The following PDCD6IP variants were observed in gnomAD, a reference collection of about 807,000 sequenced individuals.
The protein encoded by PDCD6IP is programmed cell death 6 interacting protein, also known as programmed cell death 6-interacting protein.
A neutral mutation model predicts 103.7 loss-of-function variants in PDCD6IP; 43 were observed. That is an observed-to-expected ratio of 0.41 (90% CI 0.32 to 0.53). The LOEUF (loss-of-function observed/expected upper bound fraction) is 0.53. PDCD6IP is among the 20% of genes least tolerant of loss of function. The pLI is 0.16. For synonymous variants in PDCD6IP, 354 were observed against 378.7 expected, an observed-to-expected ratio of 0.93 and a Z score of 0.76; for missense variants, 871 against 1,036.7, an observed-to-expected ratio of 0.84 and a Z score of 2.20.
intron 1 of PDCD6IP, among the ~76,000 whole-genome samples, chr3:33,803,440 G>C (rs1696520018): frequency 6.6e-6 from 1 of 152,026 alleles, no homozygotes; most frequent in Non-Finnish European, 1.5e-5. Flanking sequence ...CTTTTTCTGT[G>C]ATTGCTTGTT....
chr3:33,821,840 A>G (rs1453825564), intron 3 of PDCD6IP, 115 bp from the exon 4 acceptor site: 9 of 963,012 alleles, frequency 9.3e-6, no homozygotes, highest in African/African-American at 1.6e-5. Flanking sequence ...CAGGTCTGGA[A>G]ACTTGTTTTT....
intron 1 of PDCD6IP, among the ~76,000 whole-genome samples, chr3:33,800,014 G>A (rs1416217082): frequency 2.6e-5 from 4 of 151,338 alleles, no homozygotes; most frequent in African/African-American, 9.7e-5. Flanking sequence ...CAGCTACTCG[G>A]GAGGCTGAGG....
At chr3:33,856,849 C>T (rs1697840286) in intron 15 of PDCD6IP, among the ~76,000 whole-genome samples, 1 of 152,002 alleles carries the variant, frequency 6.6e-6, no homozygotes, top group Admixed American at 6.5e-5. Context: ...GATTTTATAT[C>T]ATATAGTAAA....
intron 1 of PDCD6IP, among the ~76,000 whole-genome samples, chr3:33,807,092 C>A (rs545484383): frequency 3.1e-4 from 47 of 152,260 alleles, no homozygotes; most frequent in Non-Finnish European, 5.1e-4. Flanking sequence ...GCCCTGTTCC[C>A]CCCATACAGC....
intron 12 of PDCD6IP, among the ~76,000 whole-genome samples, chr3:33,848,805 A>G (rs1396102703): frequency 6.6e-6 from 1 of 152,220 alleles, no homozygotes; most frequent in Non-Finnish European, 1.5e-5. Context: ...TTGTGGGCCA[A>G]ATCCAGCCTG....
intron 15 of PDCD6IP, among the ~76,000 whole-genome samples, chr3:33,859,187 A>G (rs9849786): frequency 0.29 from 44,508 of 152,068 alleles, 6,752 homozygotes; most frequent in East Asian, 0.41. Context: ...CTGCCCAGCC[A>G]TTTAGAAAAT....
rs368310390 is a variant in PDCD6IP, at chr3:33,844,089, G to A, written c.1360-23G>A. On this transcript the variant is annotated intron_variant, in intron 10 of 17. Transcript: ENST00000307296. ...TTTATACCAGAAATGACATTTCAGG[G>A]TTCTTTTTGCTTCCTTTTAAAGTCA... 7.2e-6 allele frequency: 10 copies of A among 1,396,954 alleles called. No homozygotes were observed. In the African/African-American group the frequency reaches 1.3e-4, roughly 18 times the overall value. The allele number at this position is 1,396,954 out of a possible 1,614,324, so 86.5% of individuals were successfully genotyped here. A position where few individuals can be genotyped will look rare whatever the true frequency, so the allele number is the denominator to read the frequency against.
At position 33,842,056 on chromosome 3, in the gene PDCD6IP, T is replaced by C. The variant is rs1443223155; in HGVS notation, c.1341T>C (p.Asn447=). The C allele has an allele frequency of 1.2e-6, 2 of 1,611,776 alleles. No homozygotes were observed. The highest frequency in any genetic ancestry group is 1.7e-6 in the Non-Finnish European group (2 of 1,178,618). ...IKELPELLQR[N]REILDESLRL... The stretch of plus-strand genomic sequence containing the variant: ...AACTGCCTGAATTACTGCAACGAAA[T>C]AGAGAAATCCTAGATGAGGTATGTT... Residue 447 remains asparagine, a synonymous_variant, in exon 10 of 18, where the codon AAT becomes AAC. Coordinates refer to ENST00000307296, the MANE Select transcript of PDCD6IP (RefSeq NM_013374.6).
Position 33,867,284 on chromosome 3 carries a change from A to T in PDCD6IP, c.*759A>T, listed in dbSNP as rs1698086793. The T allele has an allele frequency of 6.6e-6, 1 of 152,242 alleles. No individual in the cohort carries two copies. Among genetic ancestry groups the T allele is most frequent in the African/African-American group, 2.4e-5 (1 of 41,468 alleles). The allele number at this position is 152,242 out of a possible 1,614,324, so 9.4% of individuals were successfully genotyped here. ...GCTACCAAAGATTCTTCAAATAAAC[A>T]TACAAATAAATGTGTATATTTAATG... On this transcript the variant is annotated 3_prime_UTR_variant, in exon 18 of 18. Transcript: ENST00000307296.
chr3:33,798,732 G>A lies in PDCD6IP; in HGVS notation c.4G>A (p.Ala2Thr), dbSNP rs993779340. 1 of 1,558,182 alleles carries A rather than the reference G, an allele frequency of 6.4e-7. No individual in the cohort carries two copies. Among genetic ancestry groups the A allele is most frequent in the East Asian group, 2.4e-5 (1 of 41,506 alleles). Residue 2 changes from alanine (A) to threonine (T), a missense_variant, in exon 1 of 18, where the codon GCG becomes ACG. Ala to Thr is a moderately conservative substitution (Grantham distance 58). This residue lies in a region of PDCD6IP where 114 missense variants were observed against 106.7 expected (regional missense o/e 1.07). Transcript: ENST00000307296. M[A>T]TFISVQLKKT... ...AACGGCGGCGGAGGCGCTGATCATG[G>A]CGACATTCATCTCGGTGCAGCTGAA...
chr3:33,805,790 G>T (rs375083586), intron 1 of PDCD6IP, among the ~76,000 whole-genome samples: 8 of 151,500 alleles, frequency 5.3e-5, no homozygotes, highest in African/African-American at 1.7e-4. Flanking sequence ...GGTCGCCCAG[G>T]CTAGAGTGCA....
At chr3:33,829,723 T>A (rs1697206376) in intron 7 of PDCD6IP, among the ~76,000 whole-genome samples, 1 of 152,204 alleles carries the variant, frequency 6.6e-6, no homozygotes, top group African/African-American at 2.4e-5. Context: ...AAATATGTAC[T>A]GATTTTTAGA....
In PDCD6IP at chr3:33,868,276, T is replaced by G. The variant is rs1286076412; in HGVS notation, c.*1751T>G. The G allele has an allele frequency of 6.6e-6, 1 of 152,220 alleles. No homozygotes were observed. The highest frequency in any genetic ancestry group is 1.5e-5 in the Non-Finnish European group (1 of 68,042). 9.4% of individuals were successfully genotyped at this position (152,220 alleles called of 1,614,324 possible). A position where few individuals can be genotyped will look rare whatever the true frequency, so the allele number is the denominator to read the frequency against. ...TTAGAGGTATTACAAGTTGCTAGTTTATAATGTCTTACTAATGCAGAAACA... is the reference window on the plus strand; with the variant it reads ...TTAGAGGTATTACAAGTTGCTAGTTGATAATGTCTTACTAATGCAGAAACA... On this transcript the variant is annotated 3_prime_UTR_variant, in exon 18 of 18. Coordinates refer to ENST00000307296, the MANE Select transcript of PDCD6IP (RefSeq NM_013374.6).
intron 9 of PDCD6IP, among the ~76,000 whole-genome samples, chr3:33,838,586 A>T (rs1332251458): frequency 6.6e-6 from 1 of 152,100 alleles, no homozygotes; most frequent in Non-Finnish European, 1.5e-5. Context: ...GGAAATGAGA[A>T]GTAGAAATGA....
chr3:33,864,124 A>T lies in PDCD6IP; in HGVS notation c.2239A>T (p.Met747Leu). 1 of 1,552,036 alleles carries T rather than the reference A, an allele frequency of 6.4e-7. No homozygotes were observed. The highest frequency in any genetic ancestry group is 8.9e-7 in the Non-Finnish European group (1 of 1,124,334). Reference sequence around the variant, plus strand: ...TCCTCCAACTCCAGCGCCAAGAACCATGCCGGTTAGTAGGCAAATAAATAT... The same window carrying T: ...TCCTCCAACTCCAGCGCCAAGAACCTTGCCGGTTAGTAGGCAAATAAATAT... ...PTPPTPAPRTMPPTKPQPPAR... is the reference protein window; with the variant it reads ...PTPPTPAPRTLPPTKPQPPAR... The change falls in exon 16 of 18, where the codon ATG becomes TTG. Residue 747 changes from methionine (M) to leucine (L), a missense_variant. Met to Leu is a conservative substitution (Grantham distance 15). Coordinates refer to ENST00000307296, the MANE Select transcript of PDCD6IP (RefSeq NM_013374.6).
At chr3:33,813,713 ACT>A in intron 3 of PDCD6IP, 85 bp downstream of exon 3, 1 of 768,814 alleles carries the variant, frequency 1.3e-6, no homozygotes, top group African/African-American at 1.8e-5. Context: ...TATCCTAATG[ACT>A]CTTTGTAAAT....
intron 14 of PDCD6IP, among the ~76,000 whole-genome samples, chr3:33,854,306 G>A (rs1366963743): frequency 6.6e-6 from 1 of 152,132 alleles, no homozygotes. Context: ...TTAAGGGATA[G>A]GAAGTTGACT....
rs773719661 is a variant in PDCD6IP, at chr3:33,798,705, C to G, written c.-24C>G. 1.3e-6 allele frequency: 2 copies of G among 1,527,124 alleles called. No homozygotes were observed. The highest frequency in any genetic ancestry group is 4.9e-5 in the East Asian group (2 of 40,666). 94.6% of individuals were successfully genotyped at this position (1,527,124 alleles called of 1,614,324 possible). On this transcript the variant is annotated 5_prime_UTR_variant, in exon 1 of 18. Transcript: ENST00000307296. Reference sequence around the variant, plus strand: ...TAAGCTGTCCGCGGTCTGTTTGGCCCGAACGGCGGCGGAGGCGCTGATCAT... The same window carrying G: ...TAAGCTGTCCGCGGTCTGTTTGGCCGGAACGGCGGCGGAGGCGCTGATCAT...
At chr3:33,828,990 T>A (rs1186407864) in intron 7 of PDCD6IP, 21 bp downstream of exon 7, 1 of 1,541,582 alleles carries the variant, frequency 6.5e-7, no homozygotes, top group African/African-American at 1.4e-5. Context: ...TGGTAATAAA[T>A]ATTTAAGTAA....
Sources: gnomAD v4.1 joint callset for allele counts (sites outside exome capture counted in the v4.1 genomes callset) on GRCh38, gnomAD v4.1.1 for gene constraint, gnomAD v4.1.1 regional missense constraint, MANE v1.5 for transcripts, NCBI Gene and HGNC (gene_info 2026-07-23, HGNC 2026-07-21) for gene names.